The following TERB1 variants were observed in gnomAD, a reference collection of about 807,000 sequenced individuals.
TERB1 encodes the protein telomere repeats-binding bouquet formation protein 1.
TERB1 carries 63 observed loss-of-function variants against 92.3 expected under a neutral mutation model. That is an observed-to-expected ratio of 0.68 (90% CI 0.56 to 0.84). The LOEUF (loss-of-function observed/expected upper bound fraction) is 0.84. TERB1 is among the 40% of genes least tolerant of loss of function. The probability of loss-of-function intolerance (pLI) is 0.00; values close to 1 mark genes in which losing one functional copy is unlikely to be tolerated. For missense variants in TERB1, 709 were observed against 843.7 expected (o/e 0.84, Z 1.98); for synonymous variants, 252 against 283.9 (o/e 0.89, Z 1.13).
intron 12 of TERB1, among the ~76,000 whole-genome samples, chr16:66,774,486 C>T (rs999035556): frequency 3.3e-5 from 5 of 151,798 alleles, no homozygotes; most frequent in Admixed American, 3.3e-4. Context: ...CGCCCGGCCC[C>T]AAACATTTTT....
At chr16:66,768,988 C>T (rs2018396988) in intron 14 of TERB1, among the ~76,000 whole-genome samples, 1 of 151,810 alleles carries the variant, frequency 6.6e-6, no homozygotes, top group African/African-American at 2.4e-5. Flanking sequence ...GCGTGTAATC[C>T]CAGCTACTCG....
chr16:66,794,680 G>A (rs1468736863), intron 3 of TERB1, among the ~76,000 whole-genome samples: 1 of 152,128 alleles, frequency 6.6e-6, no homozygotes, highest in Admixed American at 6.5e-5. Context: ...GGAGGCCGAG[G>A]TGGGTGGATC....
In TERB1 at chr16:66,785,910, T is replaced by TG; in HGVS notation, c.578-3dup. 6.5e-7 allele frequency: 1 copy of TG among 1,540,732 alleles called. No homozygotes were observed. On this transcript the variant is annotated splice_polypyrimidine_tract_variant and splice_region_variant and intron_variant, in intron 8 of 18. Transcript: ENST00000433154. ...AACAGCAAAACATTTGATTCTCATC[T>TG]GAAAGAAGACAAAGTCAATCATGAT... is the stretch of plus-strand genomic sequence containing the variant.
chr16:66,794,826 C>T (rs1042614842), intron 3 of TERB1, among the ~76,000 whole-genome samples: 4 of 151,630 alleles, frequency 2.6e-5, no homozygotes, highest in Non-Finnish European at 4.4e-5. Flanking sequence ...AGGAGAATGG[C>T]GTGAACCTGG....
chr16:66,790,365 GAAGA>G (rs907757075), intron 5 of TERB1, among the ~76,000 whole-genome samples: 5 of 143,532 alleles, frequency 3.5e-5, no homozygotes, highest in African/African-American at 1.3e-4. Context: ...GAGAGAGAAA[GAAGA>G]AAGGAAAGGC....
chr16:66,791,579 AG>A (rs1285506313), intron 3 of TERB1, among the ~76,000 whole-genome samples: 1 of 152,176 alleles, frequency 6.6e-6, no homozygotes, highest in South Asian at 2.1e-4. Context: ...CAGATGAATT[AG>A]GAAAAAAGGA....
At chr16:66,770,517 A>G (rs2145123107) in intron 13 of TERB1, among the ~76,000 whole-genome samples, 1 of 152,296 alleles carries the variant, frequency 6.6e-6, no homozygotes, top group South Asian at 2.1e-4. Context: ...GTGAAAAAAT[A>G]AGTTGAATAC....
chr16:66,771,047 T>G (rs2018441807), intron 13 of TERB1, among the ~76,000 whole-genome samples: 1 of 152,094 alleles, frequency 6.6e-6, no homozygotes, highest in Non-Finnish European at 1.5e-5. Flanking sequence ...CACAGGGTTT[T>G]GCCATGTTGC....
At chr16:66,794,096 C>CTCTTT (rs113661872) in intron 3 of TERB1, among the ~76,000 whole-genome samples, 324 of 151,854 alleles carry the variant, frequency 2.1e-3, no homozygotes, top group Non-Finnish European at 3.4e-3. Flanking sequence ...GACTTTTCTT[C>CTCTTT]TCTTTTCTTT....
intron 6 of TERB1, among the ~76,000 whole-genome samples, chr16:66,787,548 C>G (rs1225157864): frequency 6.6e-6 from 1 of 152,160 alleles, no homozygotes; most frequent in African/African-American, 2.4e-5. Flanking sequence ...TGCCACTTTT[C>G]TGTAAATCTA....
chr16:66,790,843 C>T, intron 4 of TERB1, 66 bp downstream of exon 4: 1 of 1,398,260 alleles, frequency 7.2e-7, no homozygotes, highest in South Asian at 1.3e-5. Context: ...AAGAACTATG[C>T]TTATTTGATA....
chr16:66,765,441 T>C (rs1210519136), intron 16 of TERB1, among the ~76,000 whole-genome samples: 1 of 152,036 alleles, frequency 6.6e-6, no homozygotes, highest in Admixed American at 6.6e-5. Flanking sequence ...TCTTATTAAA[T>C]ACATTTACTT....
At chr16:66,800,772 T>C (rs1959256057) in intron 2 of TERB1, among the ~76,000 whole-genome samples, 1 of 152,018 alleles carries the variant, frequency 6.6e-6, no homozygotes, top group African/African-American at 2.4e-5. Context: ...GGTCAAGAAA[T>C]AACAGTCATT....
intron 3 of TERB1, among the ~76,000 whole-genome samples, chr16:66,792,665 T>C (rs2018855620): frequency 6.6e-6 from 1 of 152,212 alleles, no homozygotes; most frequent in Admixed American, 6.5e-5. Flanking sequence ...TTTATCATTG[T>C]ATCAACATCA....
At chr16:66,766,284 G>GA (rs142910935) in intron 16 of TERB1, among the ~76,000 whole-genome samples, 1 of 151,774 alleles carries the variant, frequency 6.6e-6, no homozygotes, top group Non-Finnish European at 1.5e-5. Flanking sequence ...AAAATGTGGA[G>GA]AAAAAAAAGA....
chr16:66,771,007 C>T (rs2018441069), intron 13 of TERB1, among the ~76,000 whole-genome samples: 1 of 152,102 alleles, frequency 6.6e-6, no homozygotes, highest in South Asian at 2.1e-4. Flanking sequence ...TACAACACCA[C>T]ACCTGGCTAA....
intron 12 of TERB1, among the ~76,000 whole-genome samples, chr16:66,773,572 T>TA (rs1324905605): frequency 1.3e-5 from 2 of 152,130 alleles, no homozygotes; most frequent in East Asian, 3.9e-4. Flanking sequence ...CACTCACTGA[T>TA]AACAAATTCC....
chr16:66,783,200 C>T (rs1488318909), intron 9 of TERB1, among the ~76,000 whole-genome samples: 2 of 152,158 alleles, frequency 1.3e-5, no homozygotes, highest in East Asian at 1.9e-4. Context: ...AGTCTTTCAC[C>T]GTTAAGTGTG....
chr16:66,773,329 G>A (rs954361720), intron 12 of TERB1, among the ~76,000 whole-genome samples: 30 of 152,226 alleles, frequency 2.0e-4, no homozygotes, highest in Non-Finnish European at 2.1e-4. Flanking sequence ...GTGAGACTTC[G>A]TCTCAAAAAT....
Sources: gnomAD v4.1 joint callset for allele counts (sites outside exome capture counted in the v4.1 genomes callset) on GRCh38, gnomAD v4.1.1 for gene constraint, MANE v1.5 for transcripts, NCBI Gene and HGNC (gene_info 2026-07-23, HGNC 2026-07-21) for gene names.